The following PCBP3 variants were observed in gnomAD, a reference collection of about 807,000 sequenced individuals.
The protein encoded by PCBP3 is poly(rC) binding protein 3, also known as poly(rC)-binding protein 3.
Under a neutral mutation model 52.7 loss-of-function variants are expected in PCBP3, and 25 were observed. That is an observed-to-expected ratio of 0.47 (90% CI 0.35 to 0.66). The LOEUF (loss-of-function observed/expected upper bound fraction) is 0.66. PCBP3 is among the 30% of genes least tolerant of loss of function. The probability of loss-of-function intolerance (pLI) is 0.01; values close to 1 mark genes in which losing one functional copy is unlikely to be tolerated. For missense variants in PCBP3, 391 were observed against 490.3 expected (o/e 0.80, Z 1.91); for synonymous variants, 162 against 183.0 (o/e 0.89, Z 0.93).
At chr21:45,776,533 G>A (rs1452828039) in intron 4 of PCBP3, among the ~76,000 whole-genome samples, 1 of 151,034 alleles carries the variant, frequency 6.6e-6, no homozygotes, top group African/African-American at 2.4e-5. Flanking sequence ...TTTGCTTTAT[G>A]AATCTTGATG....
chr21:45,799,254 T>C (rs533936854), intron 4 of PCBP3, among the ~76,000 whole-genome samples: 1 of 152,380 alleles, frequency 6.6e-6, no homozygotes, highest in East Asian at 1.9e-4. Flanking sequence ...TACACTTTTT[T>C]CAAGGTTTGA....
chr21:45,646,139 G>GTGTT (rs1488132631), intron 1 of PCBP3, among the ~76,000 whole-genome samples: 7 of 149,472 alleles, frequency 4.7e-5, no homozygotes, highest in Non-Finnish European at 1.5e-5. Flanking sequence ...GTGTGTGTGT[G>GTGTT]TGTGTGTTTT....
At chr21:45,895,624 G>A (rs1159848473) in intron 5 of PCBP3, among the ~76,000 whole-genome samples, 1 of 152,266 alleles carries the variant, frequency 6.6e-6, no homozygotes, top group East Asian at 1.9e-4. Flanking sequence ...GATGACTGCA[G>A]ACAGCACTGT....
chr21:45,847,110 T>C (rs2148126317), intron 4 of PCBP3, among the ~76,000 whole-genome samples: 1 of 152,302 alleles, frequency 6.6e-6, no homozygotes, highest in East Asian at 1.9e-4. Context: ...GCTTTTTTTT[T>C]CTGTTGTTTT....
At chr21:45,916,962 T>G (rs2073549088) in intron 12 of PCBP3, 1 of 152,188 alleles carries the variant, frequency 6.6e-6, no homozygotes, top group South Asian at 2.1e-4. Flanking sequence ...GTCACTGTTT[T>G]GAAGGCGAGG....
Position 45,802,443 on chromosome 21 carries a change from C to T in PCBP3, c.-126+46991C>T, listed in dbSNP as rs1341840653. Among the ~76,000 whole-genome samples the T allele has an allele frequency of 2.0e-5, 3 of 152,188 alleles. No individual in the cohort carries two copies. The highest frequency in any genetic ancestry group is 1.9e-4 in the East Asian group (1 of 5,198). On this transcript the variant is annotated intron_variant, in intron 4 of 17. Transcript: ENST00000681687. This position sits in a 1 kb window ranked among gnomAD's most constrained non-coding sequence, Gnocchi z 5.1. ...AACAATTGTACTTACTGAGTGCCTA[C>T]GTTGTCCTGTGCCCGGGCTGCCCAA...
intron 17 of PCBP3, among the ~76,000 whole-genome samples, chr21:45,941,416 C>A (rs1446500681): frequency 1.3e-5 from 2 of 152,202 alleles, no homozygotes; most frequent in African/African-American, 2.4e-5. Flanking sequence ...GTGTAGGGGG[C>A]TCCACATGGG....
In PCBP3 at chr21:45,837,066, A is replaced by G. The variant is rs1218768112; in HGVS notation, c.-125-12895A>G. Among the ~76,000 whole-genome samples, 1 of 152,214 alleles carries G rather than the reference A, an allele frequency of 6.6e-6. No individual in the cohort carries two copies. Among genetic ancestry groups the G allele is most frequent in the Non-Finnish European group, 1.5e-5 (1 of 68,040 alleles). ...TAAGGAAGTGGAATTGCTGCATCATAAAGTCTGTGAAAGGTGAACTTTCAG... is the reference window on the plus strand; with the variant it reads ...TAAGGAAGTGGAATTGCTGCATCATGAAGTCTGTGAAAGGTGAACTTTCAG... On this transcript the variant is annotated intron_variant, in intron 4 of 17. Transcript: ENST00000681687. The surrounding 1 kb of genome is among the most constrained non-coding windows in gnomAD (Gnocchi z 4.1).
chr21:45,863,990 C>G (rs533514671), intron 5 of PCBP3, among the ~76,000 whole-genome samples: 83 of 152,316 alleles, frequency 5.4e-4, no homozygotes, highest in South Asian at 8.3e-4. Flanking sequence ...GCCGGCTGTT[C>G]CACTAACAGG....
intron 2 of PCBP3, among the ~76,000 whole-genome samples, chr21:45,672,772 A>G (rs999288277): frequency 6.6e-6 from 1 of 152,040 alleles, no homozygotes; most frequent in Admixed American, 6.6e-5. Flanking sequence ...TGCTCAGAAC[A>G]TGTTCAGTCG....
In PCBP3 at chr21:45,880,812, G is replaced by C. The variant is rs548175712; in HGVS notation, c.11-15396G>C. Reference sequence around the variant, plus strand: ...CACCCTGTCCCTGCCACGGAAGCCAGGGAGCCAGCGGGAGGGCAGGGAGCA... The same window carrying C: ...CACCCTGTCCCTGCCACGGAAGCCACGGAGCCAGCGGGAGGGCAGGGAGCA... On this transcript the variant is annotated intron_variant, in intron 5 of 17. Transcript: ENST00000681687. The surrounding 1 kb of genome is among the most constrained non-coding windows in gnomAD (Gnocchi z 5.4). Among the ~76,000 whole-genome samples the C allele has an allele frequency of 1.3e-5, 2 of 152,320 alleles. No homozygotes were observed. The highest frequency in any genetic ancestry group is 3.9e-4 in the East Asian group (2 of 5,176).
At chr21:45,868,780 C>T (rs917037194) in intron 5 of PCBP3, among the ~76,000 whole-genome samples, 7 of 152,188 alleles carry the variant, frequency 4.6e-5, no homozygotes, top group African/African-American at 1.7e-4. Flanking sequence ...ACGGGGTGGC[C>T]GAGACAGGGA....
intron 13 of PCBP3, among the ~76,000 whole-genome samples, chr21:45,927,631 C>G (rs413517): frequency 0.2 from 30,270 of 151,500 alleles, 3,767 homozygotes; most frequent in Non-Finnish European, 0.28. Context: ...CCAGGCCTCC[C>G]TAGGACGTCC....
chr21:45,760,174 T>C (rs1341713473), intron 4 of PCBP3: 1 of 152,210 alleles, frequency 6.6e-6, no homozygotes, highest in Admixed American at 6.5e-5. Context: ...AAAGTATTTC[T>C]GTTTTTCTAG....
chr21:45,840,692 C>T (rs374080758), intron 4 of PCBP3, among the ~76,000 whole-genome samples: 9 of 152,186 alleles, frequency 5.9e-5, no homozygotes, highest in Middle Eastern at 3.4e-3. Context: ...ATTTTATTAT[C>T]GGCTCACTGC....
intron 5 of PCBP3, among the ~76,000 whole-genome samples, chr21:45,863,468 C>T (rs1221084307): frequency 1.3e-5 from 2 of 152,212 alleles, no homozygotes; most frequent in Admixed American, 6.5e-5. Flanking sequence ...GCTGTTGAGT[C>T]GCCCCTGTTG....
Position 45,817,335 on chromosome 21 carries a change from T to C in PCBP3, c.-125-32626T>C, listed in dbSNP as rs79138803. Reference sequence around the variant, plus strand: ...GCTGTGAGCAGTCCCCGCCTCGTGGTACCACATGACATTTAGCGTGTCTGT... The same window carrying C: ...GCTGTGAGCAGTCCCCGCCTCGTGGCACCACATGACATTTAGCGTGTCTGT... On this transcript the variant is annotated intron_variant, in intron 4 of 17. Coordinates refer to ENST00000681687, the MANE Select transcript of PCBP3 (RefSeq NM_001384156.1). The surrounding 1 kb of genome is among the most constrained non-coding windows in gnomAD (Gnocchi z 4.3). 3.5e-3 allele frequency among the ~76,000 whole-genome samples: 540 copies of C among 152,328 alleles called. 2 individuals carry two copies. The highest frequency in any genetic ancestry group is 0.012 in the African/African-American group (483 of 41,578).
chr21:45,673,852 A>G (rs886260546), intron 2 of PCBP3: 2 of 152,206 alleles, frequency 1.3e-5, no homozygotes, highest in Non-Finnish European at 2.9e-5. Context: ...TCCAGTGAGC[A>G]TGTCTCTCTA....
chr21:45,656,410 G>A lies in PCBP3; in HGVS notation c.-278-12464G>A, dbSNP rs554337442. Among the ~76,000 whole-genome samples the A allele has an allele frequency of 1.1e-4, 16 of 152,120 alleles. No individual in the cohort carries two copies. The highest frequency in any genetic ancestry group is 6.2e-4 in the South Asian group (3 of 4,810). ...ACACAAGAACAGAAAACCAAACACCGCATGTTCTCACTCATAAGTGGGAGT... is the reference window on the plus strand; with the variant it reads ...ACACAAGAACAGAAAACCAAACACCACATGTTCTCACTCATAAGTGGGAGT... On this transcript the variant is annotated intron_variant, in intron 1 of 17. Coordinates refer to ENST00000681687, the MANE Select transcript of PCBP3 (RefSeq NM_001384156.1). The surrounding 1 kb of genome is among the most constrained non-coding windows in gnomAD (Gnocchi z 4.3).
Sources: allele counts gnomAD v4.1 joint callset (sites outside exome capture counted in the v4.1 genomes callset), GRCh38; gene constraint gnomAD v4.1.1; non-coding constraint Gnocchi (gnomAD v3.1); transcripts MANE v1.5; gene names NCBI Gene and HGNC (gene_info 2026-07-23, HGNC 2026-07-21).